Variants in DPYS observed in about 807,000 individuals in gnomAD.
DPYS encodes the protein dihydropyrimidine amidohydrolase.
DPYS carries 39 observed loss-of-function variants against 50.3 expected under a neutral mutation model. That is an observed-to-expected ratio of 0.78 (90% CI 0.60 to 1.01). DPYS has a LOEUF of 1.01. Ranked by LOEUF, DPYS falls within the 50% of genes least tolerant of loss-of-function variation. DPYS has a pLI of 0.00. For missense variants in DPYS, 659 were observed against 680.9 expected (o/e 0.97, Z 0.36); for synonymous variants, 245 against 250.7 (o/e 0.98, Z 0.22).
intron 2 of DPYS, among the ~76,000 whole-genome samples, chr8:104,448,155 T>TC (rs1437238772): frequency 1.4e-5 from 2 of 140,566 alleles, no homozygotes; most frequent in East Asian, 4.2e-4. Context: ...CAACAATTGC[T>TC]CTTTTTTTTT....
intron 8 of DPYS, among the ~76,000 whole-genome samples, chr8:104,387,499 G>A (rs1811249218): frequency 6.6e-6 from 1 of 152,110 alleles, no homozygotes; most frequent in Non-Finnish European, 1.5e-5. Flanking sequence ...TAAGGATGGG[G>A]GAATGGGTGG....
chr8:104,440,606 A>C (rs1030585677), intron 4 of DPYS, among the ~76,000 whole-genome samples: 1 of 152,094 alleles, frequency 6.6e-6, no homozygotes, highest in Admixed American at 6.5e-5. Context: ...AAAATACAAA[A>C]AAATTAGCTG....
In DPYS at chr8:104,428,050, T is replaced by C. The variant is rs1242547917; in HGVS notation, c.1022A>G (p.Asp341Gly). Residue 341 changes from aspartate to glycine, a missense_variant, in exon 6 of 10, where the codon GAT becomes GGT. Asp to Gly is a moderately conservative substitution (Grantham distance 94, BLOSUM62 -1). Transcript: ENST00000351513. ...CACCCCATTGGGGATCTTGGTAAAA[T>C]CATCCTTCCCAAGAGCTTTCTGGCA... is the stretch of plus-strand genomic sequence containing the variant. Reference protein sequence around the residue: ...NTCQKALGKDDFTKIPNGVNG... With the variant: ...NTCQKALGKDGFTKIPNGVNG... 1.9e-6 allele frequency: 3 copies of C among 1,614,072 alleles called. No homozygotes were observed. Among genetic ancestry groups the C allele is most frequent in the Non-Finnish European group, 2.5e-6 (3 of 1,180,040 alleles).
chr8:104,394,027 G>T (rs1811494148), intron 7 of DPYS, among the ~76,000 whole-genome samples: 1 of 152,152 alleles, frequency 6.6e-6, no homozygotes, highest in Admixed American at 6.5e-5. Context: ...TCATAGCTTT[G>T]CTCCCACTTA....
intron 7 of DPYS, among the ~76,000 whole-genome samples, chr8:104,416,229 C>T (rs1434310789): frequency 1.3e-5 from 2 of 152,166 alleles, no homozygotes; most frequent in East Asian, 3.8e-4. Context: ...TGTGGATTAG[C>T]AACAGATATT....
intron 8 of DPYS, among the ~76,000 whole-genome samples, chr8:104,392,525 A>T (rs1811422515): frequency 6.6e-6 from 1 of 152,164 alleles, no homozygotes; most frequent in African/African-American, 2.4e-5. Context: ...CACAATTGCC[A>T]AAAGCCCCCA....
At chr8:104,382,554 T>TTC (rs1811091487) in intron 8 of DPYS, among the ~76,000 whole-genome samples, 1 of 151,290 alleles carries the variant, frequency 6.6e-6, no homozygotes, top group South Asian at 2.1e-4. Context: ...TTTTTTTTTT[T>TTC]TTCTTCTCCT....
In DPYS at chr8:104,387,324, A is replaced by C. The variant is rs1194202994; in HGVS notation, c.1443+5460T>G. Among the ~76,000 whole-genome samples the C allele has an allele frequency of 2.6e-5, 4 of 152,290 alleles. No homozygotes were observed. In the East Asian group the frequency reaches 5.8e-4, roughly 22 times the overall value. On this transcript the variant is annotated intron_variant, in intron 8 of 9. Coordinates refer to ENST00000351513, the MANE Select transcript of DPYS (RefSeq NM_001385.3). ...ATATCCTGGCTGGAGTGGGAGAGGG[A>C]AAGATTTTGAAGCAATAAATAAATA...
intron 8 of DPYS, among the ~76,000 whole-genome samples, chr8:104,392,015 G>A (rs1588400886): frequency 2.0e-5 from 3 of 152,136 alleles, no homozygotes; most frequent in East Asian, 1.9e-4. Context: ...AAGGAGGATC[G>A]AGAAACTTGC....
chr8:104,452,840 C>G (rs189295093), intron 1 of DPYS, among the ~76,000 whole-genome samples: 88 of 152,130 alleles, frequency 5.8e-4, no homozygotes, highest in African/African-American at 1.9e-3. Context: ...GACCCTGTCT[C>G]AAAAATAAAC....
intron 7 of DPYS, among the ~76,000 whole-genome samples, chr8:104,408,417 A>G (rs1424369142): frequency 6.6e-6 from 1 of 152,232 alleles, no homozygotes; most frequent in Admixed American, 6.5e-5. Flanking sequence ...AAAAACCTCA[A>G]TGACTAATAA....
intron 8 of DPYS, among the ~76,000 whole-genome samples, chr8:104,381,980 A>G (rs1811067710): frequency 6.6e-6 from 1 of 152,198 alleles, no homozygotes; most frequent in Non-Finnish European, 1.5e-5. Flanking sequence ...GAAGTGAGAC[A>G]GATCTAAGTT....
intron 4 of DPYS, among the ~76,000 whole-genome samples, chr8:104,432,235 T>A (rs1812979086): frequency 6.6e-6 from 1 of 152,252 alleles, no homozygotes. Context: ...AACAAAAGAT[T>A]CTGCCCTTTA....
At position 104,438,176 on chromosome 8, in the gene DPYS, C is replaced by T. The variant is rs527341375; in HGVS notation, c.793+6072G>A. On this transcript the variant is annotated intron_variant, in intron 4 of 9. Transcript: ENST00000351513. ...ATCCAACCTCATTATCCCAGAATGACATCTCTACTGCAGGCTTAGCAAGCA... is the reference window on the plus strand; with the variant it reads ...ATCCAACCTCATTATCCCAGAATGATATCTCTACTGCAGGCTTAGCAAGCA... Among the ~76,000 whole-genome samples, 34 of 152,274 alleles carry T rather than the reference C, an allele frequency of 2.2e-4. No individual in the cohort carries two copies. In the South Asian group the frequency reaches 6.8e-3, roughly 31 times the overall value.
chr8:104,424,096 C>T (rs372145347), intron 7 of DPYS, 151 bp downstream of exon 7: 13 of 1,533,754 alleles, frequency 8.5e-6, no homozygotes, highest in Non-Finnish European at 1.1e-5. Context: ...CACATCAAAA[C>T]CTTTATCTTG....
intron 7 of DPYS, chr8:104,419,514 T>C (rs1285055450): frequency 6.6e-6 from 1 of 152,220 alleles, no homozygotes; most frequent in Admixed American, 6.6e-5. Context: ...AAAACAGCTG[T>C]ATGGTGGAGA....
rs1564110714 is a variant in DPYS at position 104,450,145 on chromosome 8, A to AGAAGGAAGGGAG, written c.423+1089_423+1100dup. On this transcript the variant is annotated intron_variant, in intron 2 of 9. Coordinates refer to ENST00000351513, the MANE Select transcript of DPYS (RefSeq NM_001385.3). Reference sequence around the variant, plus strand: ...GGAGGGAGGGAAGAGAAGAAAAGAAAGAAGGAAGGGAGGAAGGGAGGGAGG... The same window carrying AGAAGGAAGGGAG: ...GGAGGGAGGGAAGAGAAGAAAAGAAAGAAGGAAGGGAGGAAGGAAGGGAGGAAGGGAGGGAGG... 1.8e-4 allele frequency among the ~76,000 whole-genome samples: 12 copies of AGAAGGAAGGGAG among 65,394 alleles called. No homozygotes were observed. In the Admixed American group the frequency reaches 2.0e-3, roughly 11 times the overall value. The allele number at this position is 65,394 out of a possible 152,430, so 42.9% of individuals were successfully genotyped here. A position where few individuals can be genotyped will look rare whatever the true frequency, so the allele number is the denominator to read the frequency against.
At chr8:104,439,068 A>T (rs190862436) in intron 4 of DPYS, among the ~76,000 whole-genome samples, 1 of 151,954 alleles carries the variant, frequency 6.6e-6, no homozygotes, top group South Asian at 2.1e-4. Context: ...CTTAAATAAA[A>T]AAAAAAAAAG....
chr8:104,456,240 CTAA>C (rs1354008273), intron 1 of DPYS, among the ~76,000 whole-genome samples: 3 of 152,118 alleles, frequency 2.0e-5, no homozygotes, highest in East Asian at 3.9e-4. Flanking sequence ...ACAAATTTGC[CTAA>C]TGACACATTT....
Sources: gnomAD v4.1 joint callset for allele counts (sites outside exome capture counted in the v4.1 genomes callset) on GRCh38, gnomAD v4.1.1 for gene constraint, MANE v1.5 for transcripts, NCBI Gene and HGNC (gene_info 2026-07-23, HGNC 2026-07-21) for gene names.